The following XKRX variants were observed in gnomAD, a reference collection of about 807,000 sequenced individuals.
XKRX encodes XK related X-linked.
XKRX carries 11 observed loss-of-function variants against 22.4 expected under a neutral mutation model. That is an observed-to-expected ratio of 0.49 (90% CI 0.31 to 0.81). The LOEUF (loss-of-function observed/expected upper bound fraction) is 0.81. Among genes scored for constraint, XKRX ranks in the 40% least tolerant of loss-of-function variants. The probability of loss-of-function intolerance (pLI) is 0.05; values close to 1 mark genes in which losing one functional copy is unlikely to be tolerated. For synonymous variants in XKRX, 114 were observed against 132.2 expected (o/e 0.86, Z 0.94); for missense variants, 320 against 336.5 (o/e 0.95, Z 0.38).
the XKRX span, among the ~76,000 whole-genome samples, chrX:100,947,351 C>T: frequency 1.2e-4 from 14 of 112,302 alleles, no homozygotes; most frequent in African/African-American, 4.2e-4. Context: ...TATGAACTCC[C>T]GTGGTGAGTA....
the XKRX span, among the ~76,000 whole-genome samples, chrX:100,951,015 C>G: frequency 1.1e-3 from 122 of 109,699 alleles, no homozygotes; most frequent in Non-Finnish European, 7.2e-4. Context: ...GGCGGATCAC[C>G]TGAAGTCAGG....
At chrX:100,920,261 A>G (rs2085465687) in intron 2 of XKRX, among the ~76,000 whole-genome samples, 4 of 110,658 alleles carry the variant, frequency 3.6e-5, no homozygotes, top group Non-Finnish European at 5.7e-5. Context: ...GGAAATGTAT[A>G]TTATATATTT....
chrX:100,915,709 C>CGT (rs1210429753), intron 2 of XKRX, among the ~76,000 whole-genome samples: 6,546 of 55,558 alleles, frequency 0.12, 459 homozygotes, highest in African/African-American at 0.33. Context: ...TGTGTGTGTG[C>CGT]GTGTGTGTGT....
the XKRX span, among the ~76,000 whole-genome samples, chrX:100,954,244 C>T: frequency 8.1e-5 from 9 of 110,942 alleles, no homozygotes; most frequent in Non-Finnish European, 1.3e-4. Flanking sequence ...CATGGTGAAA[C>T]CCCATCTCTA....
At chrX:100,921,823 G>A (rs866316857) in intron 2 of XKRX, among the ~76,000 whole-genome samples, 4 of 77,261 alleles carry the variant, frequency 5.2e-5, no homozygotes, top group Admixed American at 4.3e-4. Context: ...TTAACCCCAC[G>A]CTTTTTTTTT....
the XKRX span, among the ~76,000 whole-genome samples, chrX:100,949,512 G>T: frequency 1.1e-4 from 12 of 109,660 alleles, no homozygotes; most frequent in Non-Finnish European, 2.1e-4. Flanking sequence ...ACTATAAGGC[G>T]TGCACCACCA....
At chrX:100,933,823 G>A (rs2085528218), upstream of XKRX, among the ~76,000 whole-genome samples, 1 of 111,759 alleles carries the variant, frequency 8.9e-6, no homozygotes, top group African/African-American at 3.3e-5. Flanking sequence ...CCTGGTGGAA[G>A]AGAAGGGTCA....
chrX:100,946,739 C>A, the XKRX span, among the ~76,000 whole-genome samples: 1 of 111,964 alleles, frequency 8.9e-6, no homozygotes, highest in African/African-American at 3.2e-5. Context: ...GAAATACACA[C>A]CCTGACCTCA....
chrX:100,888,026 A>T, the XKRX span: 6 of 1,111,716 alleles, frequency 5.4e-6, no homozygotes, highest in East Asian at 3.0e-5. Flanking sequence ...TTTGGCTGGA[A>T]GAAGCACTAG....
At chrX:100,911,358 G>T (rs7061500), downstream of XKRX, 2 of 821,173 alleles carry the variant, frequency 2.4e-6, no homozygotes, top group East Asian at 6.3e-5. Context: ...ATTACCAAAG[G>T]TACTGTCATT....
chrX:100,891,510 G>T, the XKRX span, among the ~76,000 whole-genome samples: 1 of 109,715 alleles, frequency 9.1e-6, no homozygotes, highest in African/African-American at 3.3e-5. Flanking sequence ...TAAGGAAACA[G>T]AATAAGAGTC....
chrX:100,899,031 G>A, the XKRX span, among the ~76,000 whole-genome samples: 1 of 110,809 alleles, frequency 9.0e-6, no homozygotes, highest in African/African-American at 3.3e-5. Context: ...AGAAGAATCC[G>A]AGTTCCAGAG....
downstream of XKRX, among the ~76,000 whole-genome samples, chrX:100,910,028 G>A (rs780418299): frequency 1.8e-5 from 2 of 108,189 alleles, no homozygotes; most frequent in Non-Finnish European, 3.8e-5. Flanking sequence ...ACAGTCCTAT[G>A]CCCATAGTCT....
upstream of XKRX, among the ~76,000 whole-genome samples, chrX:100,933,478 T>TAAA (rs368739515): frequency 2.4e-4 from 12 of 50,453 alleles, no homozygotes; most frequent in African/African-American, 5.8e-4. Context: ...AGATTCCGTC[T>TAAA]AAAAAAAAAA....
the XKRX span, among the ~76,000 whole-genome samples, chrX:100,946,373 C>T: frequency 8.9e-6 from 1 of 111,796 alleles, no homozygotes; most frequent in African/African-American, 3.2e-5. Context: ...GATTGAATCA[C>T]ATTTAGTCAT....
At chrX:100,907,522 C>T in the XKRX span, among the ~76,000 whole-genome samples, 1 of 111,862 alleles carries the variant, frequency 8.9e-6, no homozygotes, top group Non-Finnish European at 1.9e-5. Context: ...TTTCATTCAG[C>T]ACATGCTGTA....
chrX:100,920,721 T>C (rs753900340), intron 2 of XKRX, among the ~76,000 whole-genome samples: 49 of 112,412 alleles, frequency 4.4e-4, no homozygotes, highest in African/African-American at 1.5e-3. Flanking sequence ...GCAAATACAA[T>C]TACTTATATG....
chrX:100,913,232 G>A (rs1397581026), downstream of XKRX, among the ~76,000 whole-genome samples: 1 of 109,565 alleles, frequency 9.1e-6, no homozygotes, highest in Non-Finnish European at 1.9e-5. Flanking sequence ...ACTCCTGTAG[G>A]CAGAAACCAG....
At chrX:100,935,140 T>C in the XKRX span, among the ~76,000 whole-genome samples, 1 of 112,436 alleles carries the variant, frequency 8.9e-6, no homozygotes, top group Non-Finnish European at 1.9e-5. Flanking sequence ...TTGTAAATAT[T>C]TATAATTGCA....
Sources: allele counts gnomAD v4.1 joint callset (sites outside exome capture counted in the v4.1 genomes callset), GRCh38; gene constraint gnomAD v4.1.1; transcripts MANE v1.5; gene names NCBI Gene and HGNC (gene_info 2026-07-23, HGNC 2026-07-21).